Variants in ASIC2 observed in about 807,000 individuals in gnomAD.
ASIC2 encodes the protein acid-sensing ion channel 2.
In ASIC2, 25 loss-of-function variants were observed where a neutral mutation model predicts 57.3. That is an observed-to-expected ratio of 0.44 (90% CI 0.32 to 0.61). The LOEUF is 0.61. ASIC2 is among the 20% of genes least tolerant of loss of function. The probability of loss-of-function intolerance (pLI) is 0.06; values close to 1 mark genes in which losing one functional copy is unlikely to be tolerated. For synonymous variants in ASIC2, 319 were observed against 307.5 expected (o/e 1.04, Z -0.39); for missense variants, 641 against 738.1 (o/e 0.87, Z 1.52).
chr17:34,064,663 A>C lies in ASIC2; in HGVS notation c.555+91315T>G, dbSNP rs140255546. On this transcript the variant is annotated intron_variant, in intron 1 of 9. Coordinates refer to the ASIC2 transcript ENST00000359872. The stretch of plus-strand genomic sequence containing the variant: ...TAACTAATATCCAGAATCTACAACA[A>C]ACTCAAACAAATCAATAAGAAAAAA... 1.8e-3 allele frequency among the ~76,000 whole-genome samples: 277 copies of C among 152,326 alleles called. 3 individuals carry two copies. The highest frequency in any genetic ancestry group is 6.3e-3 in the African/African-American group (260 of 41,574).
At chr17:33,820,696 T>A (rs1260847844) in intron 1 of ASIC2, among the ~76,000 whole-genome samples, 1 of 152,180 alleles carries the variant, frequency 6.6e-6, no homozygotes, top group Non-Finnish European at 1.5e-5. Flanking sequence ...TTTTAAAAAA[T>A]TATTTTTTAC....
intron 1 of ASIC2, among the ~76,000 whole-genome samples, chr17:33,417,021 GA>G (rs376895362): frequency 3.9e-4 from 58 of 147,016 alleles, no homozygotes; most frequent in South Asian, 8.7e-4. Context: ...GAGAGGAAAG[GA>G]AAAAAAAAAG....
At chr17:33,480,683 A>G (rs1488946622) in intron 1 of ASIC2, among the ~76,000 whole-genome samples, 1 of 152,100 alleles carries the variant, frequency 6.6e-6, no homozygotes, top group East Asian at 1.9e-4. Context: ...GCCAGGTGGT[A>G]TGGAGAGTTT....
intron 1 of ASIC2, among the ~76,000 whole-genome samples, chr17:33,596,833 A>G (rs1231953742): frequency 6.6e-6 from 1 of 152,228 alleles, no homozygotes; most frequent in African/African-American, 2.4e-5. Flanking sequence ...TGAATTGTAC[A>G]AGAGTCCTGG....
chr17:33,449,314 G>A (rs1349508099), intron 1 of ASIC2, among the ~76,000 whole-genome samples: 2 of 152,084 alleles, frequency 1.3e-5, no homozygotes, highest in Admixed American at 1.3e-4. Flanking sequence ...TGCCAGTCAG[G>A]GATTAAGACC....
intron 1 of ASIC2, among the ~76,000 whole-genome samples, chr17:34,034,279 G>A (rs1172583399): frequency 6.6e-6 from 1 of 152,142 alleles, no homozygotes; most frequent in African/African-American, 2.4e-5. Context: ...TATCTCAATA[G>A]ATGCAGAAAA....
At chr17:33,266,685 A>G (rs992190361) in intron 1 of ASIC2, among the ~76,000 whole-genome samples, 2 of 151,898 alleles carry the variant, frequency 1.3e-5, no homozygotes, top group Non-Finnish European at 2.9e-5. Context: ...GGAACCAGAC[A>G]CTAAGTGGAT....
At chr17:33,186,447 T>G (rs77171388) in intron 1 of ASIC2, among the ~76,000 whole-genome samples, 2 of 152,196 alleles carry the variant, frequency 1.3e-5, no homozygotes. Context: ...TCGCTTTATT[T>G]TTTGGCTAAT....
intron 1 of ASIC2, among the ~76,000 whole-genome samples, chr17:33,788,889 C>A (rs184462084): frequency 1.3e-5 from 2 of 152,048 alleles, no homozygotes; most frequent in Admixed American, 1.3e-4. Context: ...CAACACACAC[C>A]AGGGCCTGTT....
chr17:33,723,527 C>A (rs117017449), intron 1 of ASIC2, among the ~76,000 whole-genome samples: 1,600 of 152,242 alleles, frequency 0.011, 22 homozygotes, highest in Non-Finnish European at 0.016. Flanking sequence ...TATGGTTTCA[C>A]CCTGTTGGCC....
At chr17:33,762,668 A>G (rs911189883) in intron 1 of ASIC2, among the ~76,000 whole-genome samples, 9 of 152,210 alleles carry the variant, frequency 5.9e-5, no homozygotes, top group African/African-American at 2.2e-4. Flanking sequence ...TTGCACAGCA[A>G]TGGATACACG....
At chr17:33,787,598 C>A (rs1239536126) in intron 1 of ASIC2, among the ~76,000 whole-genome samples, 1 of 151,888 alleles carries the variant, frequency 6.6e-6, no homozygotes, top group Non-Finnish European at 1.5e-5. Context: ...AAAAATTGAG[C>A]AAAGGTGTAG....
At chr17:33,953,557 C>T (rs1904643780) in intron 1 of ASIC2, among the ~76,000 whole-genome samples, 1 of 141,328 alleles carries the variant, frequency 7.1e-6, no homozygotes, top group East Asian at 2.0e-4. Flanking sequence ...TGCTCTCCTC[C>T]AGCTGTAGTT....
intron 1 of ASIC2, among the ~76,000 whole-genome samples, chr17:33,796,343 C>G (rs1226010179): frequency 6.6e-6 from 1 of 152,110 alleles, no homozygotes; most frequent in African/African-American, 2.4e-5. Flanking sequence ...TGTCCTTGAA[C>G]AAGTCATTTT....
chr17:33,266,685 A>T (rs992190361), intron 1 of ASIC2, among the ~76,000 whole-genome samples: 1 of 151,898 alleles, frequency 6.6e-6, no homozygotes, highest in Non-Finnish European at 1.5e-5. Context: ...GGAACCAGAC[A>T]CTAAGTGGAT....
chr17:33,122,839 C>T (rs1340476921), intron 1 of ASIC2, among the ~76,000 whole-genome samples: 1 of 152,198 alleles, frequency 6.6e-6, no homozygotes. Flanking sequence ...CCCTGCACTG[C>T]CCCAGCCTCT....
intron 1 of ASIC2, among the ~76,000 whole-genome samples, chr17:33,120,278 T>G (rs539140521): frequency 6.6e-6 from 1 of 152,222 alleles, no homozygotes; most frequent in Non-Finnish European, 1.5e-5. Context: ...CTTCCAAGAC[T>G]GAAGCACAGC....
At chr17:33,888,205 A>C (rs1263994447) in intron 1 of ASIC2, among the ~76,000 whole-genome samples, 4 of 152,176 alleles carry the variant, frequency 2.6e-5, no homozygotes, top group Non-Finnish European at 5.9e-5. Context: ...GTACAGAGAC[A>C]GACCACCTAA....
chr17:33,303,780 T>G (rs1398238535), intron 1 of ASIC2, among the ~76,000 whole-genome samples: 1 of 152,208 alleles, frequency 6.6e-6, no homozygotes, highest in African/African-American at 2.4e-5. Context: ...ATCAATACTT[T>G]CCTTTTCCCA....
Sources: gnomAD v4.1 joint callset for allele counts (sites outside exome capture counted in the v4.1 genomes callset) on GRCh38, gnomAD v4.1.1 for gene constraint, MANE v1.5 for transcripts, NCBI Gene and HGNC (gene_info 2026-07-23, HGNC 2026-07-21) for gene names.